NRXN3: variants seen among roughly 807,000 people sequenced by gnomAD.
NRXN3 encodes neurexin III.
In NRXN3, 32 loss-of-function variants were observed where a neutral mutation model predicts 137.6. The ratio of observed to expected loss-of-function variants is 0.23; its 90% confidence interval spans 0.18 to 0.31. The LOEUF is 0.31. Among genes scored for constraint, NRXN3 ranks in the 10% least tolerant of loss-of-function variants. NRXN3 has a pLI of 1.00. For missense variants in NRXN3, 1,574 were observed against 2,062.5 expected, an observed-to-expected ratio of 0.76 and a Z score of 4.59; for synonymous variants, 798 against 784.5, an observed-to-expected ratio of 1.02 and a Z score of -0.29.
At chr14:79,761,678 CTG>C (rs1184136109) in intron 19 of NRXN3, among the ~76,000 whole-genome samples, 2 of 100,560 alleles carry the variant, frequency 2.0e-5, no homozygotes, top group Non-Finnish European at 3.6e-5. Flanking sequence ...AAGCGAGACT[CTG>C]TCTCAAAAAA....
chr14:79,143,259 A>G (rs1302158024), intron 15 of NRXN3, among the ~76,000 whole-genome samples: 1 of 152,240 alleles, frequency 6.6e-6, no homozygotes, highest in African/African-American at 2.4e-5. Context: ...AGTTATAGGA[A>G]TAAATGCTTG....
At chr14:78,365,950 A>C (rs1242563585) in intron 4 of NRXN3, among the ~76,000 whole-genome samples, 1 of 152,156 alleles carries the variant, frequency 6.6e-6, no homozygotes, top group Non-Finnish European at 1.5e-5. Context: ...AGTTGCTTTG[A>C]TTTGAACCAA....
intron 15 of NRXN3, among the ~76,000 whole-genome samples, chr14:79,346,936 A>G (rs768355210): frequency 6.6e-6 from 1 of 152,156 alleles, no homozygotes; most frequent in Non-Finnish European, 1.5e-5. Flanking sequence ...GCTCTCAATA[A>G]CAGAAGATGG....
At chr14:79,564,029 G>A (rs1265838578) in intron 16 of NRXN3, among the ~76,000 whole-genome samples, 1 of 152,106 alleles carries the variant, frequency 6.6e-6, no homozygotes, top group Admixed American at 6.6e-5. Flanking sequence ...AGAAGGAAGA[G>A]AAGTATGGTC....
chr14:79,458,195 G>A (rs1406961023), intron 15 of NRXN3, among the ~76,000 whole-genome samples: 2 of 152,092 alleles, frequency 1.3e-5, no homozygotes, highest in Non-Finnish European at 2.9e-5. Flanking sequence ...ATTTAGAAAT[G>A]GAGGAGTAAC....
intron 16 of NRXN3, among the ~76,000 whole-genome samples, chr14:79,506,355 G>T (rs762267825): frequency 6.6e-6 from 1 of 152,112 alleles, no homozygotes; most frequent in African/African-American, 2.4e-5. Flanking sequence ...AATTATGAAA[G>T]ATCTCAAGAG....
chr14:79,084,016 C>T lies in NRXN3; in HGVS notation c.3262+95875C>T, dbSNP rs146674895. Among the ~76,000 whole-genome samples the T allele has an allele frequency of 5.4e-3, 818 of 152,202 alleles. 9 individuals carry two copies. Among genetic ancestry groups the T allele is most frequent in the African/African-American group, 0.018 (759 of 41,498 alleles). On this transcript the variant is annotated intron_variant, in intron 15 of 20. Coordinates refer to ENST00000335750, the MANE Select transcript of NRXN3 (RefSeq NM_001330195.2). ...ACCCCCACCCCTAAGCTCAAGCGAT[C>T]CTCCCACCTCAGCCTCCTGAGTAGC...
intron 10 of NRXN3, among the ~76,000 whole-genome samples, chr14:78,866,794 CTTTTTTTTTTTT>C (rs1208179961): frequency 1.7e-5 from 2 of 119,120 alleles, no homozygotes; most frequent in Non-Finnish European, 3.4e-5. Context: ...TTACCTTCAT[CTTTTTTTTTTTT>C]TTTTTTTTTG....
chr14:78,388,726 A>G (rs1163330862), intron 4 of NRXN3, among the ~76,000 whole-genome samples: 5 of 152,162 alleles, frequency 3.3e-5, no homozygotes, highest in African/African-American at 4.8e-5. Flanking sequence ...CACTTGGAAA[A>G]CAGAAGTACA....
chr14:79,077,273 C>T (rs888878979), intron 15 of NRXN3, among the ~76,000 whole-genome samples: 2 of 152,136 alleles, frequency 1.3e-5, no homozygotes, highest in Admixed American at 6.6e-5. Context: ...AATCTGGTTC[C>T]ACCTGGAGGT....
chr14:79,243,923 C>T (rs1456101245), intron 15 of NRXN3, among the ~76,000 whole-genome samples: 1 of 152,130 alleles, frequency 6.6e-6, no homozygotes, highest in African/African-American at 2.4e-5. Flanking sequence ...TGCTCTCAGG[C>T]TCCAGATCCC....
intron 15 of NRXN3, among the ~76,000 whole-genome samples, chr14:79,210,475 G>A (rs538468335): frequency 6.6e-6 from 1 of 152,276 alleles, no homozygotes; most frequent in South Asian, 2.1e-4. Context: ...CTGAGCATCA[G>A]CGAGGATCTG....
In NRXN3 at chr14:79,866,754, TG is replaced by T. The variant is rs35657520; in HGVS notation, c.*4791del. On this transcript the variant is annotated 3_prime_UTR_variant, in exon 21 of 21. Coordinates refer to ENST00000335750, the MANE Select transcript of NRXN3 (RefSeq NM_001330195.2). The stretch of plus-strand genomic sequence containing the variant: ...GAGCAACCGAGTTTCCTGATAGAGA[TG>T]TTTATCTGGGGGAAAAAGGCATAAG... 974 of 152,276 alleles carry T rather than the reference TG, an allele frequency of 6.4e-3. 3 individuals carry two copies. The highest frequency in any genetic ancestry group is 0.01 in the Non-Finnish European group (710 of 68,022). 9.4% of individuals were successfully genotyped at this position (152,276 alleles called of 1,614,324 possible). A position where few individuals can be genotyped will look rare whatever the true frequency, so the allele number is the denominator to read the frequency against.
intron 4 of NRXN3, among the ~76,000 whole-genome samples, chr14:78,494,331 CCTAA>C: frequency 6.6e-6 from 1 of 151,814 alleles, no homozygotes; most frequent in Non-Finnish European, 1.5e-5. Context: ...ATGTTCAAGT[CCTAA>C]TCACTTAGAA....
chr14:78,687,543 G>A lies in NRXN3; in HGVS notation c.1222-21674G>A, dbSNP rs535367685. Among the ~76,000 whole-genome samples the A allele has an allele frequency of 3.9e-5, 6 of 152,342 alleles. No individual in the cohort carries two copies. In the South Asian group the frequency reaches 8.3e-4, roughly 21 times the overall value. ...TATTAGTCAAGATAAGCTAGGCTGT[G>A]TTGTGGCAACAAACTGTTCCAAAAT... On this transcript the variant is annotated intron_variant, in intron 6 of 20. Coordinates refer to ENST00000335750, the MANE Select transcript of NRXN3 (RefSeq NM_001330195.2).
At chr14:79,563,206 C>T (rs186222262) in intron 16 of NRXN3, among the ~76,000 whole-genome samples, 5 of 152,040 alleles carry the variant, frequency 3.3e-5, no homozygotes, top group East Asian at 1.9e-4. Context: ...AATATTAGAG[C>T]GAGGATCTAG....
intron 16 of NRXN3, among the ~76,000 whole-genome samples, chr14:79,498,378 G>A (rs918878947): frequency 2.6e-5 from 4 of 152,112 alleles, no homozygotes; most frequent in African/African-American, 9.7e-5. Flanking sequence ...GATTGAGATT[G>A]CCAGCCTTGA....
chr14:78,315,356 C>T lies in NRXN3; in HGVS notation c.757+17496C>T, dbSNP rs76645111. Among the ~76,000 whole-genome samples the T allele has an allele frequency of 7.7e-3, 1,174 of 152,182 alleles. 12 individuals carry two copies. Among genetic ancestry groups the T allele is most frequent in the African/African-American group, 0.027 (1,129 of 41,506 alleles). On this transcript the variant is annotated intron_variant, in intron 4 of 20. Transcript: ENST00000335750. ...TACTTACATTAGTGTTTCTCAAATT[C>T]GTGAGAATCACCCAGGGAACTTGTG...
At chr14:79,689,652 A>T (rs1332304407) in intron 17 of NRXN3, among the ~76,000 whole-genome samples, 3 of 152,108 alleles carry the variant, frequency 2.0e-5, no homozygotes, top group Non-Finnish European at 4.4e-5. Context: ...CACTTTCAGA[A>T]GGGTCTAAGG....
Sources: gnomAD v4.1 joint callset for allele counts (sites outside exome capture counted in the v4.1 genomes callset) on GRCh38, gnomAD v4.1.1 for gene constraint, MANE v1.5 for transcripts, NCBI Gene and HGNC (gene_info 2026-07-23, HGNC 2026-07-21) for gene names.